Variants in GORASP2 observed in about 807,000 individuals in gnomAD.
The protein encoded by GORASP2 is golgi reassembly stacking protein 2, also known as Golgi reassembly-stacking protein 2.
A neutral mutation model predicts 45.7 loss-of-function variants in GORASP2; 22 were observed. The observed-to-expected ratio is 0.48, with a 90% CI of 0.34 to 0.69. The LOEUF is 0.69. Among genes scored for constraint, GORASP2 ranks in the 30% least tolerant of loss-of-function variants. The probability of loss-of-function intolerance (pLI) is 0.01; values close to 1 mark genes in which losing one functional copy is unlikely to be tolerated. For missense variants in GORASP2, 491 were observed against 562.7 expected, an observed-to-expected ratio of 0.87 and a Z score of 1.29; for synonymous variants, 221 against 215.6, an observed-to-expected ratio of 1.02 and a Z score of -0.22.
At chr2:170,949,247 A>G (rs954882117) in intron 2 of GORASP2, among the ~76,000 whole-genome samples, 2 of 152,220 alleles carry the variant, frequency 1.3e-5, no homozygotes, top group African/African-American at 4.8e-5. Context: ...TTCTTATGGC[A>G]TATTTTGTTT....
At position 170,929,473 on chromosome 2, in the gene GORASP2, C is replaced by T. The variant is rs1703759928; in HGVS notation, c.63+70C>T. 9 of 1,151,162 alleles carry T rather than the reference C, an allele frequency of 7.8e-6. No individual in the cohort carries two copies. In the South Asian group the frequency reaches 9.0e-5, roughly 12 times the overall value. 71.3% of individuals were successfully genotyped at this position (1,151,162 alleles called of 1,614,324 possible). A position where few individuals can be genotyped will look rare whatever the true frequency, so the allele number is the denominator to read the frequency against. ...GGCCGGCCGCGGGGAGGCGGAGGCC[C>T]CCATGGGCTCCTTCACGGGGCAGCC... On this transcript the variant is annotated intron_variant, in intron 1 of 9. Coordinates refer to ENST00000234160, the MANE Select transcript of GORASP2 (RefSeq NM_015530.5).
At chr2:170,930,454 G>C (rs989937579) in intron 1 of GORASP2, among the ~76,000 whole-genome samples, 1 of 152,192 alleles carries the variant, frequency 6.6e-6, no homozygotes, top group African/African-American at 2.4e-5. Context: ...GAAAGTAAGA[G>C]AGTGCACTTC....
At chr2:170,958,220 A>T (rs1704472975) in intron 7 of GORASP2, among the ~76,000 whole-genome samples, 1 of 152,178 alleles carries the variant, frequency 6.6e-6, no homozygotes, top group Admixed American at 6.5e-5. Context: ...AACTTTATCA[A>T]TTATCAATAT....
At chr2:170,936,707 T>C (rs775474315) in intron 1 of GORASP2, 6 of 1,142,354 alleles carry the variant, frequency 5.3e-6, no homozygotes, top group South Asian at 5.1e-5. Flanking sequence ...TAATCCCAGC[T>C]ACTCCAATCA....
chr2:170,962,803 TG>T (rs1704594155), intron 8 of GORASP2, 35 bp from the exon 9 acceptor site: 1 of 1,358,654 alleles, frequency 7.4e-7, no homozygotes, highest in African/African-American at 1.4e-5. Context: ...CCAGGTCAAG[TG>T]ATTTCTCTTT....
At chr2:170,932,849 T>G (rs1193119130) in intron 1 of GORASP2, among the ~76,000 whole-genome samples, 1 of 152,220 alleles carries the variant, frequency 6.6e-6, no homozygotes, top group Non-Finnish European at 1.5e-5. Context: ...AGGTTAACAT[T>G]ACAACCAAAA....
intron 7 of GORASP2, among the ~76,000 whole-genome samples, chr2:170,957,172 C>T (rs1378628155): frequency 1.3e-5 from 2 of 152,116 alleles, no homozygotes; most frequent in Non-Finnish European, 2.9e-5. Flanking sequence ...TTACTCAACA[C>T]GTTTGCGTGT....
At chr2:170,939,085 T>C (rs972436871) in intron 1 of GORASP2, among the ~76,000 whole-genome samples, 1 of 152,212 alleles carries the variant, frequency 6.6e-6, no homozygotes, top group African/African-American at 2.4e-5. Flanking sequence ...CCCTAAGTTA[T>C]TTGAAGAATA....
chr2:170,962,724 G>A (rs1245673093), intron 8 of GORASP2, 115 bp from the exon 9 acceptor site: 4 of 691,824 alleles, frequency 5.8e-6, no homozygotes, highest in Non-Finnish European at 1.1e-5. Flanking sequence ...CACACATTAG[G>A]TGGACTTCTG....
chr2:170,942,284 G>A, intron 1 of GORASP2, among the ~76,000 whole-genome samples: 1 of 152,080 alleles, frequency 6.6e-6, no homozygotes, highest in Middle Eastern at 3.2e-3. Context: ...TGGGTTTTTA[G>A]TATATTCATA....
Position 170,956,496 on chromosome 2 carries a change from C to T in GORASP2, c.760C>T (p.Gln254Ter). Reference protein sequence around the residue: ...LSPPGTTGIEQSLTGLSISST... With the variant: ...LSPPGTTGIE ...ACCACCAGGAACTACAGGAATTGAA[C>T]AGAGTCTGACTGGACTTTCTATTAG... The change falls in exon 7 of 10, where the codon CAG becomes TAG. Residue 254 changes from glutamine to a stop codon, truncating the protein, a stop_gained. Transcript: ENST00000234160. LOFTEE classifies it high-confidence loss of function. 1 of 1,612,980 alleles carries T rather than the reference C, an allele frequency of 6.2e-7. No homozygotes were observed. Among genetic ancestry groups the T allele is most frequent in the Non-Finnish European group, 8.5e-7 (1 of 1,179,104 alleles).
intron 1 of GORASP2, among the ~76,000 whole-genome samples, chr2:170,936,895 T>C (rs1703971502): frequency 6.6e-6 from 1 of 151,950 alleles, no homozygotes; most frequent in South Asian, 2.1e-4. Flanking sequence ...AATTAATTAA[T>C]TAATTCGTTA....
rs1703754355 is a variant in GORASP2 at position 170,929,301 on chromosome 2, A to G, written c.-40A>G. On this transcript the variant is annotated 5_prime_UTR_variant, in exon 1 of 10. Transcript: ENST00000234160. ...CAGGCGGTGCGCTGGGGGCGGGAGCAGCGCGGAGCCCGGCTCGGCCACACC... is the reference window on the plus strand; with the variant it reads ...CAGGCGGTGCGCTGGGGGCGGGAGCGGCGCGGAGCCCGGCTCGGCCACACC... 3.0e-6 allele frequency: 4 copies of G among 1,329,700 alleles called. No individual in the cohort carries two copies. The highest frequency in any genetic ancestry group is 3.1e-5 in the East Asian group (1 of 32,160). The allele number at this position is 1,329,700 out of a possible 1,614,324, so 82.4% of individuals were successfully genotyped here.
In GORASP2 at chr2:170,929,312, C is replaced by T; in HGVS notation, c.-29C>T. ...CTGGGGGCGGGAGCAGCGCGGAGCC[C>T]GGCTCGGCCACACCGATCGCCCGCC... On this transcript the variant is annotated 5_prime_UTR_variant, in exon 1 of 10. Transcript: ENST00000234160. 7.4e-7 allele frequency: 1 copy of T among 1,344,440 alleles called. No individual in the cohort carries two copies. The highest frequency in any genetic ancestry group is 9.5e-7 in the Non-Finnish European group (1 of 1,049,540). 83.3% of individuals were successfully genotyped at this position (1,344,440 alleles called of 1,614,324 possible). A position where few individuals can be genotyped will look rare whatever the true frequency, so the allele number is the denominator to read the frequency against.
At chr2:170,959,074 C>G (rs1575479098) in intron 7 of GORASP2, among the ~76,000 whole-genome samples, 1 of 152,086 alleles carries the variant, frequency 6.6e-6, no homozygotes, top group Non-Finnish European at 1.5e-5. Flanking sequence ...GATTTTCCTG[C>G]CCCAGCCTCC....
chr2:170,959,048 C>T (rs1382572310), intron 7 of GORASP2, among the ~76,000 whole-genome samples: 9 of 152,066 alleles, frequency 5.9e-5, no homozygotes, highest in Non-Finnish European at 2.9e-5. Context: ...GCAACCTCCG[C>T]CTCCTGGGTT....
chr2:170,966,972 A>C lies in GORASP2; in HGVS notation c.*842A>C, dbSNP rs139540547. 1 of 152,268 alleles carries C rather than the reference A, an allele frequency of 6.6e-6. No individual in the cohort carries two copies. The highest frequency in any genetic ancestry group is 1.5e-5 in the Non-Finnish European group (1 of 68,008). 9.4% of individuals were successfully genotyped at this position (152,268 alleles called of 1,614,324 possible). A position where few individuals can be genotyped will look rare whatever the true frequency, so the allele number is the denominator to read the frequency against. On this transcript the variant is annotated 3_prime_UTR_variant, in exon 10 of 10. Coordinates refer to ENST00000234160, the MANE Select transcript of GORASP2 (RefSeq NM_015530.5). ...ACCCTTAATTGCCACGTGTGCACTT[A>C]CTACTCTCCAGTATGTCTTATTACT...
intron 2 of GORASP2, 51 bp from the exon 3 acceptor site, chr2:170,949,488 C>G (rs1377231135): frequency 4.4e-6 from 6 of 1,355,942 alleles, no homozygotes; most frequent in Non-Finnish European, 6.3e-6. Flanking sequence ...GATGCTTAAG[C>G]TAACATTAAA....
At chr2:170,931,631 A>T (rs1232195118) in intron 1 of GORASP2, among the ~76,000 whole-genome samples, 6 of 152,248 alleles carry the variant, frequency 3.9e-5, no homozygotes, top group Non-Finnish European at 1.5e-5. Context: ...AATACCAATT[A>T]TAATAACATT....
Sources: gnomAD v4.1 joint callset for allele counts (sites outside exome capture counted in the v4.1 genomes callset) on GRCh38, gnomAD v4.1.1 for gene constraint, MANE v1.5 for transcripts, NCBI Gene and HGNC (gene_info 2026-07-23, HGNC 2026-07-21) for gene names.